KLHL4: variants seen among roughly 807,000 people sequenced by gnomAD.
KLHL4 encodes the protein kelch-like protein 4.
Under a neutral mutation model 45.8 loss-of-function variants are expected in KLHL4, and 17 were observed. That is an observed-to-expected ratio of 0.37 (90% CI 0.25 to 0.56). The LOEUF (loss-of-function observed/expected upper bound fraction) is 0.56. Among genes scored for constraint, KLHL4 ranks in the 20% least tolerant of loss-of-function variants. The probability of loss-of-function intolerance (pLI) is 0.79; values close to 1 mark genes in which losing one functional copy is unlikely to be tolerated. For synonymous variants in KLHL4, 224 were observed against 189.9 expected, an observed-to-expected ratio of 1.18 and a Z score of -1.47; for missense variants, 544 against 544.9, an observed-to-expected ratio of 1.00 and a Z score of 0.02.
At chrX:87,591,415 C>T (rs1047550549) in intron 1 of KLHL4, among the ~76,000 whole-genome samples, 1 of 111,677 alleles carries the variant, frequency 9.0e-6, no homozygotes, top group African/African-American at 3.3e-5. Context: ...GTGATGATGT[C>T]TGGGCTTTTA....
Position 87,666,597 on chromosome X carries a change from G to C in KLHL4, c.*63G>C, listed in dbSNP as rs1924377126. On this transcript the variant is annotated 3_prime_UTR_variant, in exon 11 of 11. Coordinates refer to ENST00000373119, the MANE Select transcript of KLHL4 (RefSeq NM_019117.5). ...ATTTCAAGAAACTGAGTAGGACAAA[G>C]GGAGAAAGAAATACATGTTCTTTTT... The C allele has an allele frequency of 1.7e-5, 18 of 1,068,173 alleles. No individual in the cohort carries two copies. Among genetic ancestry groups the C allele is most frequent in the Non-Finnish European group, 2.2e-5 (18 of 816,330 alleles). The allele number at this position is 1,068,173 out of a possible 1,213,427, so 88.0% of individuals were successfully genotyped here. A position where few individuals can be genotyped will look rare whatever the true frequency, so the allele number is the denominator to read the frequency against.
chrX:87,545,427 C>T (rs1226915308), intron 1 of KLHL4, among the ~76,000 whole-genome samples: 1 of 111,098 alleles, frequency 9.0e-6, no homozygotes, highest in South Asian at 3.8e-4. Flanking sequence ...AAGGGGCTGT[C>T]CCCCCTTTGC....
intron 1 of KLHL4, among the ~76,000 whole-genome samples, chrX:87,599,854 G>C (rs768128956): frequency 7.8e-4 from 87 of 111,920 alleles, no homozygotes; most frequent in African/African-American, 2.6e-3. Context: ...AACAAACCAA[G>C]AAAACTGTAT....
intron 1 of KLHL4, among the ~76,000 whole-genome samples, chrX:87,518,919 G>A (rs1034391459): frequency 1.8e-5 from 2 of 112,164 alleles, no homozygotes; most frequent in Non-Finnish European, 3.8e-5. Context: ...GCTACTTACA[G>A]CAATGTGATC....
At chrX:87,617,498 T>C (rs751113316) in intron 3 of KLHL4, among the ~76,000 whole-genome samples, 5 of 112,046 alleles carry the variant, frequency 4.5e-5, no homozygotes, top group Non-Finnish European at 9.4e-5. Flanking sequence ...TTATACAATA[T>C]GACATAATGT....
intron 8 of KLHL4, 46 bp downstream of exon 8, chrX:87,633,957 G>A: frequency 9.6e-7 from 1 of 1,043,918 alleles, no homozygotes; most frequent in Non-Finnish European, 1.3e-6. Context: ...AGGTCATATA[G>A]TATAGAACTT....
chrX:87,521,238 C>A (rs1268718608), intron 1 of KLHL4, among the ~76,000 whole-genome samples: 1 of 111,972 alleles, frequency 8.9e-6, no homozygotes, highest in Non-Finnish European at 1.9e-5. Flanking sequence ...TCTTTCTTTA[C>A]TAGAGCCCTT....
chrX:87,615,062 T>G (rs1468672659), intron 3 of KLHL4, among the ~76,000 whole-genome samples: 1 of 111,356 alleles, frequency 9.0e-6, no homozygotes, highest in African/African-American at 3.3e-5. Context: ...CCAGAATGAT[T>G]AATTCATCCT....
intron 1 of KLHL4, among the ~76,000 whole-genome samples, chrX:87,539,997 G>GTACCT (rs1931516634): frequency 9.0e-6 from 1 of 111,703 alleles, no homozygotes; most frequent in Non-Finnish European, 1.9e-5. Flanking sequence ...ACCTGTGTAG[G>GTACCT]ATATTACAGT....
chrX:87,596,277 G>A (rs113533555), intron 1 of KLHL4, among the ~76,000 whole-genome samples: 6,804 of 111,829 alleles, frequency 0.061, 210 homozygotes, highest in Non-Finnish European at 0.088. Flanking sequence ...AGTGAGAATG[G>A]ACTAATAGAA....
chrX:87,610,947 G>A (rs1399461989), intron 1 of KLHL4, among the ~76,000 whole-genome samples: 4 of 110,363 alleles, frequency 3.6e-5, no homozygotes, highest in African/African-American at 9.9e-5. Context: ...GGTGGTGCAC[G>A]TCCGCAGTCC....
At chrX:87,551,277 T>A (rs1299766073) in intron 1 of KLHL4, among the ~76,000 whole-genome samples, 2 of 109,268 alleles carry the variant, frequency 1.8e-5, no homozygotes, top group Non-Finnish European at 1.9e-5. Context: ...CAAAAAAAAA[T>A]TAAACTTAGG....
intron 1 of KLHL4, among the ~76,000 whole-genome samples, chrX:87,551,939 C>T (rs1048931364): frequency 5.4e-5 from 6 of 111,576 alleles, no homozygotes; most frequent in African/African-American, 1.9e-4. Context: ...AGACTTGAAA[C>T]TAAAAATTCT....
At chrX:87,562,915 C>G (rs780077580) in intron 1 of KLHL4, among the ~76,000 whole-genome samples, 172 of 111,244 alleles carry the variant, frequency 1.5e-3, no homozygotes, top group Non-Finnish European at 2.1e-3. Flanking sequence ...CAGCTCAACA[C>G]AGAGAAAGAG....
intron 2 of KLHL4, 65 bp from the exon 3 acceptor site, chrX:87,614,369 C>T: frequency 9.6e-7 from 1 of 1,042,954 alleles, no homozygotes; most frequent in Non-Finnish European, 1.3e-6. Context: ...TTGCTGAATC[C>T]ATTTCATGCT....
chrX:87,542,707 T>A (rs946285424), intron 1 of KLHL4, among the ~76,000 whole-genome samples: 1 of 111,953 alleles, frequency 8.9e-6, no homozygotes, highest in Admixed American at 9.5e-5. Context: ...ATAACTTGCT[T>A]TTGATTTTAC....
chrX:87,523,705 G>C (rs1257992969), intron 1 of KLHL4, among the ~76,000 whole-genome samples: 1 of 111,944 alleles, frequency 8.9e-6, no homozygotes, highest in Non-Finnish European at 1.9e-5. Flanking sequence ...GCGCATGCCT[G>C]TAATCCCAGC....
At chrX:87,530,673 T>C (rs1931244862) in intron 1 of KLHL4, among the ~76,000 whole-genome samples, 4 of 107,205 alleles carry the variant, frequency 3.7e-5, no homozygotes, top group Admixed American at 2.0e-4. Flanking sequence ...TCTATCATTC[T>C]TGGACATTTG....
chrX:87,669,529 A>T lies in KLHL4; in HGVS notation c.*2995A>T, dbSNP rs996233805. 4.5e-5 allele frequency: 34 copies of T among 754,202 alleles called. No individual in the cohort carries two copies. The highest frequency in any genetic ancestry group is 6.0e-5 in the Non-Finnish European group (33 of 552,222). The allele number at this position is 754,202 out of a possible 1,213,427, so 62.2% of individuals were successfully genotyped here. A position where few individuals can be genotyped will look rare whatever the true frequency, so the allele number is the denominator to read the frequency against. ...TTCCAAATGCAATATAGAAAAAAAA[A>T]CCCTGTGACTCTGGATTTTATTTTA... On this transcript the variant is annotated 3_prime_UTR_variant, in exon 11 of 11. Coordinates refer to ENST00000373119, the MANE Select transcript of KLHL4 (RefSeq NM_019117.5).
Sources: gnomAD v4.1 joint callset for allele counts (sites outside exome capture counted in the v4.1 genomes callset) on GRCh38, gnomAD v4.1.1 for gene constraint, MANE v1.5 for transcripts, NCBI Gene and HGNC (gene_info 2026-07-23, HGNC 2026-07-21) for gene names.